NEGR1: variants seen among roughly 807,000 people sequenced by gnomAD.
The protein encoded by NEGR1 is neuronal growth regulator 1, also known as IgLON family member 4.
Under a neutral mutation model 40.9 loss-of-function variants are expected in NEGR1, and 10 were observed. The ratio of observed to expected loss-of-function variants is 0.24; its 90% CI spans 0.15 to 0.42. The LOEUF (loss-of-function observed/expected upper bound fraction) is 0.42. NEGR1 is among the 10% of genes least tolerant of loss of function. The probability of loss-of-function intolerance (pLI) is 1.00; values close to 1 mark genes in which losing one functional copy is unlikely to be tolerated. For synonymous variants in NEGR1, 185 were observed against 166.8 expected, an observed-to-expected ratio of 1.11 and a Z score of -0.84; for missense variants, 352 against 438.9, an observed-to-expected ratio of 0.80 and a Z score of 1.77.
At chr1:71,589,630 T>G (rs913924425) in intron 6 of NEGR1, among the ~76,000 whole-genome samples, 9 of 152,250 alleles carry the variant, frequency 5.9e-5, no homozygotes, top group Non-Finnish European at 1.3e-4. Flanking sequence ...AGCAGTTATC[T>G]AGATCCTTGC....
At chr1:71,613,226 T>C (rs189567905) in intron 4 of NEGR1, among the ~76,000 whole-genome samples, 33 of 152,102 alleles carry the variant, frequency 2.2e-4, no homozygotes, top group Non-Finnish European at 3.4e-4. Context: ...ACTCTGAAAT[T>C]GGAGCTGATA....
chr1:71,713,366 A>G (rs2101645686), intron 3 of NEGR1, among the ~76,000 whole-genome samples: 1 of 152,334 alleles, frequency 6.6e-6, no homozygotes, highest in Non-Finnish European at 1.5e-5. Context: ...AGTTGTTTAT[A>G]GAATCCTATA....
intron 2 of NEGR1, among the ~76,000 whole-genome samples, chr1:71,803,599 CTCTCCCTT>C (rs1410686755): frequency 1.3e-5 from 2 of 152,076 alleles, no homozygotes; most frequent in African/African-American, 4.8e-5. Flanking sequence ...TTTATCTGGA[CTCTCCCTT>C]CAGATATATG....
chr1:72,272,534 ATCT>A (rs1655878687), intron 1 of NEGR1, among the ~76,000 whole-genome samples: 2 of 152,024 alleles, frequency 1.3e-5, no homozygotes, highest in South Asian at 4.1e-4. Context: ...TACATAAAAT[ATCT>A]TCTGATTATA....
intron 6 of NEGR1, among the ~76,000 whole-genome samples, chr1:71,463,828 C>T (rs1053818547): frequency 2.0e-5 from 3 of 152,216 alleles, no homozygotes; most frequent in Admixed American, 6.5e-5. Flanking sequence ...TTGTACAAAG[C>T]TCTGTGCTAG....
chr1:72,067,771 A>G (rs553083153), intron 1 of NEGR1, among the ~76,000 whole-genome samples: 54 of 152,188 alleles, frequency 3.5e-4, no homozygotes, highest in African/African-American at 1.3e-3. Flanking sequence ...TAACTGATTT[A>G]TTTTTCTTAA....
chr1:72,277,226 C>A (rs1029133258), intron 1 of NEGR1, among the ~76,000 whole-genome samples: 4 of 152,142 alleles, frequency 2.6e-5, no homozygotes, highest in African/African-American at 9.7e-5. Context: ...CCTCCACCCG[C>A]AGACCCCCCT....
At chr1:71,988,756 T>A (rs185392685) in intron 1 of NEGR1, among the ~76,000 whole-genome samples, 1 of 151,440 alleles carries the variant, frequency 6.6e-6, no homozygotes, top group African/African-American at 2.4e-5. Flanking sequence ...AAGAACCACA[T>A]GACTAGAGAA....
chr1:72,088,667 T>A, intron 1 of NEGR1, among the ~76,000 whole-genome samples: 1 of 152,136 alleles, frequency 6.6e-6, no homozygotes, highest in Admixed American at 6.6e-5. Context: ...TGTTCAACAC[T>A]AAATCGTACC....
At chr1:71,552,178 C>T (rs900990749) in intron 6 of NEGR1, among the ~76,000 whole-genome samples, 1 of 151,398 alleles carries the variant, frequency 6.6e-6, no homozygotes, top group African/African-American at 2.4e-5. Context: ...TTATCTTCCC[C>T]AGGTGATATG....
chr1:71,707,453 T>G (rs1382854640), intron 3 of NEGR1, among the ~76,000 whole-genome samples: 1 of 152,150 alleles, frequency 6.6e-6, no homozygotes, highest in Non-Finnish European at 1.5e-5. Flanking sequence ...AACTGTGTCT[T>G]TCAGTTTGAG....
intron 1 of NEGR1, among the ~76,000 whole-genome samples, chr1:72,200,226 T>A (rs1405944966): frequency 6.6e-6 from 1 of 151,974 alleles, no homozygotes; most frequent in Non-Finnish European, 1.5e-5. Context: ...ACTATGTGCA[T>A]CACAGTGCTA....
At chr1:72,225,723 TGATA>T (rs934626155) in intron 1 of NEGR1, among the ~76,000 whole-genome samples, 7 of 151,598 alleles carry the variant, frequency 4.6e-5, no homozygotes, top group Admixed American at 2.6e-4. Context: ...TAATCTATCC[TGATA>T]AATAATTTTT....
chr1:71,981,710 C>T (rs1157002102), intron 1 of NEGR1, among the ~76,000 whole-genome samples: 3 of 152,014 alleles, frequency 2.0e-5, no homozygotes, highest in African/African-American at 7.2e-5. Flanking sequence ...GGTTTTGAAT[C>T]TCAGTGTAAG....
intron 4 of NEGR1, among the ~76,000 whole-genome samples, chr1:71,660,493 GAA>G (rs200548635): frequency 6.6e-6 from 1 of 151,008 alleles, no homozygotes; most frequent in Non-Finnish European, 1.5e-5. Flanking sequence ...GTTTAAAAAA[GAA>G]AAAAAAGTCT....
chr1:72,172,243 T>C (rs1048186541), intron 1 of NEGR1, among the ~76,000 whole-genome samples: 1 of 152,208 alleles, frequency 6.6e-6, no homozygotes, highest in Non-Finnish European at 1.5e-5. Flanking sequence ...TAATAAAATA[T>C]TTCTACTAGT....
At chr1:71,521,751 A>C (rs1274340680) in intron 6 of NEGR1, among the ~76,000 whole-genome samples, 3 of 152,000 alleles carry the variant, frequency 2.0e-5, no homozygotes, top group Non-Finnish European at 1.5e-5. Context: ...TAGTCTGATG[A>C]AATATTTTTA....
At chr1:71,886,433 C>T (rs1406064865) in intron 2 of NEGR1, among the ~76,000 whole-genome samples, 2 of 149,472 alleles carry the variant, frequency 1.3e-5, no homozygotes, top group Non-Finnish European at 3.0e-5. Context: ...TATTAAATGA[C>T]CAGTGTGTTC....
chr1:71,559,448 T>G (rs957058228), intron 6 of NEGR1, among the ~76,000 whole-genome samples: 13 of 151,560 alleles, frequency 8.6e-5, no homozygotes, highest in African/African-American at 3.1e-4. Flanking sequence ...TTTCTCAGAG[T>G]CTGCATTCCA....
Sources: gnomAD v4.1 joint callset for allele counts (sites outside exome capture counted in the v4.1 genomes callset) on GRCh38, gnomAD v4.1.1 for gene constraint, MANE v1.5 for transcripts, NCBI Gene and HGNC (gene_info 2026-07-23, HGNC 2026-07-21) for gene names.